The following EVI5 variants were observed in gnomAD, a reference collection of about 807,000 sequenced individuals.
EVI5 encodes the protein ecotropic viral integration site 5 protein homolog.
In EVI5, 73 loss-of-function variants were observed where a neutral mutation model predicts 112.0. The observed-to-expected ratio is 0.65, with a 90% CI of 0.54 to 0.79. EVI5 has a LOEUF of 0.79. Ranked by LOEUF, EVI5 falls within the 30% of genes least tolerant of loss-of-function variation. The pLI is 0.00. For synonymous variants in EVI5, 305 were observed against 319.9 expected, an observed-to-expected ratio of 0.95 and a Z score of 0.50; for missense variants, 900 against 968.8, an observed-to-expected ratio of 0.93 and a Z score of 0.94.
chr1:92,605,484 A>G, intron 17 of EVI5, 82 bp from the exon 18 acceptor site: 2 of 920,008 alleles, frequency 2.2e-6, no homozygotes, highest in South Asian at 2.7e-5. Flanking sequence ...GGTTGCATAA[A>G]CCATACGTTA....
In EVI5 at chr1:92,763,074, G is replaced by C. The variant is rs566043134; in HGVS notation, c.-82+21762C>G. Among the ~76,000 whole-genome samples the C allele has an allele frequency of 1.6e-4, 25 of 152,084 alleles. 1 individual carries two copies. The South Asian group carries it at 5.2e-3, about 32-fold the overall frequency. The stretch of plus-strand genomic sequence containing the variant: ...CCTTGAGTCCAGGAGTTCGAGACCA[G>C]CCTGGGCAAAATAGGAAGCCCTTGT... On this transcript the variant is annotated intron_variant, in intron 1 of 19. Transcript: ENST00000684568.
intron 9 of EVI5, among the ~76,000 whole-genome samples, chr1:92,690,433 A>G (rs1488312448): frequency 2.0e-5 from 3 of 151,402 alleles, no homozygotes; most frequent in Non-Finnish European, 4.4e-5. Context: ...ACTGCATCCT[A>G]GACTTCTCAA....
At chr1:92,570,331 G>T (rs1235732741) in intron 18 of EVI5, among the ~76,000 whole-genome samples, 1 of 152,080 alleles carries the variant, frequency 6.6e-6, no homozygotes, top group South Asian at 2.1e-4. Flanking sequence ...GCGAGGGCAG[G>T]GGGGGCCTAA....
intron 18 of EVI5, among the ~76,000 whole-genome samples, chr1:92,569,802 C>G (rs984021085): frequency 2.9e-5 from 4 of 135,650 alleles, no homozygotes; most frequent in African/African-American, 5.7e-5. Flanking sequence ...TGCAGTGAGC[C>G]GAGATTGCGC....
At chr1:92,636,630 C>T (rs564893615) in intron 13 of EVI5, among the ~76,000 whole-genome samples, 1 of 152,264 alleles carries the variant, frequency 6.6e-6, no homozygotes, top group African/African-American at 2.4e-5. Flanking sequence ...GTCCATCCAT[C>T]CAGATACAAA....
intron 2 of EVI5, 81 bp downstream of exon 2, chr1:92,736,316 GA>G (rs1021580775): frequency 4.1e-5 from 37 of 905,842 alleles, no homozygotes; most frequent in Non-Finnish European, 5.2e-5. Flanking sequence ...CCAAAAAATA[GA>G]AAAAAAAATT....
intron 1 of EVI5, among the ~76,000 whole-genome samples, chr1:92,777,199 A>G (rs1309585467): frequency 2.0e-5 from 3 of 152,002 alleles, no homozygotes; most frequent in Admixed American, 6.6e-5. Context: ...CAGACTCCCA[A>G]AGTGCTGGGA....
chr1:92,640,603 A>C (rs1465080802), intron 13 of EVI5, among the ~76,000 whole-genome samples: 1 of 152,166 alleles, frequency 6.6e-6, no homozygotes, highest in Admixed American at 6.5e-5. Flanking sequence ...GCCAAGAAAC[A>C]ACAGATGCTG....
intron 14 of EVI5, among the ~76,000 whole-genome samples, chr1:92,630,667 G>T (rs887378731): frequency 1.3e-4 from 20 of 151,864 alleles, no homozygotes; most frequent in Non-Finnish European, 2.9e-5. Flanking sequence ...AAGCTCTTTA[G>T]TTTAATTAGA....
At chr1:92,744,080 G>A (rs1678870616) in intron 1 of EVI5, among the ~76,000 whole-genome samples, 1 of 152,096 alleles carries the variant, frequency 6.6e-6, no homozygotes, top group South Asian at 2.1e-4. Flanking sequence ...TTACTTAGAA[G>A]TGTGTTTTTT....
intron 13 of EVI5, among the ~76,000 whole-genome samples, chr1:92,650,602 T>C (rs1661918683): frequency 6.6e-6 from 1 of 152,072 alleles, no homozygotes; most frequent in African/African-American, 2.4e-5. Flanking sequence ...AATTGGTATA[T>C]TTAAAATACA....
At chr1:92,666,093 A>G in intron 10 of EVI5, 101 bp from the exon 11 acceptor site, 1 of 693,160 alleles carries the variant, frequency 1.4e-6, no homozygotes, top group Non-Finnish European at 2.5e-6. Context: ...ATAAATAAGA[A>G]AGGAGTCTAA....
At chr1:92,732,948 C>T (rs1351918662) in intron 2 of EVI5, 1 of 150,478 alleles carries the variant, frequency 6.6e-6, no homozygotes, top group Non-Finnish European at 1.5e-5. Context: ...CACAGTGGCT[C>T]ACACCTGTAA....
At chr1:92,649,338 A>C (rs1661636188) in intron 13 of EVI5, among the ~76,000 whole-genome samples, 1 of 152,152 alleles carries the variant, frequency 6.6e-6, no homozygotes, top group Non-Finnish European at 1.5e-5. Flanking sequence ...TCACTTTCTT[A>C]ATCTCCTTTG....
intron 5 of EVI5, among the ~76,000 whole-genome samples, chr1:92,698,833 T>C (rs1670696487): frequency 6.6e-6 from 1 of 152,198 alleles, no homozygotes; most frequent in Admixed American, 6.5e-5. Context: ...GGTTTAAAGG[T>C]ACCAATTTCA....
chr1:92,534,368 T>C (rs2101886131), intron 19 of EVI5, among the ~76,000 whole-genome samples: 1 of 152,340 alleles, frequency 6.6e-6, no homozygotes, highest in African/African-American at 2.4e-5. Context: ...AAGTAATTTC[T>C]AGATTCAATG....
chr1:92,711,449 G>A (rs1317774605), intron 2 of EVI5, among the ~76,000 whole-genome samples: 7 of 152,152 alleles, frequency 4.6e-5, no homozygotes, highest in Admixed American at 4.6e-4. Context: ...AATTTATAAG[G>A]AGCTAAGAAA....
At chr1:92,613,284 T>C (rs891519111) in intron 16 of EVI5, among the ~76,000 whole-genome samples, 10 of 152,124 alleles carry the variant, frequency 6.6e-5, no homozygotes, top group Non-Finnish European at 1.0e-4. Context: ...ACTGAATTTA[T>C]TTATTTATTT....
rs560252161 is a variant in EVI5 at position 92,624,613 on chromosome 1, C to G, written c.1669-279G>C. Among the ~76,000 whole-genome samples the G allele has an allele frequency of 3.1e-5, 4 of 129,154 alleles. No individual in the cohort carries two copies. The South Asian group carries it at 1.0e-3, about 34-fold the overall frequency. 84.7% of individuals were successfully genotyped at this position (129,154 alleles called of 152,430 possible). ...ATCCCAGCACTTTGGGAGGCCAAGG[C>G]GGGCAGATCACCTGAGGTCAGGAGT... On this transcript the variant is annotated intron_variant, in intron 15 of 19. Transcript: ENST00000684568.
Sources: gnomAD v4.1 joint callset for allele counts (sites outside exome capture counted in the v4.1 genomes callset) on GRCh38, gnomAD v4.1.1 for gene constraint, MANE v1.5 for transcripts, NCBI Gene and HGNC (gene_info 2026-07-23, HGNC 2026-07-21) for gene names.